Variants in COL26A1 observed in about 807,000 individuals in gnomAD.
The protein encoded by COL26A1 is collagen type XXVI alpha 1 chain.
COL26A1 carries 41 observed loss-of-function variants against 59.3 expected under a neutral mutation model. The ratio of observed to expected loss-of-function variants is 0.69; its 90% CI spans 0.54 to 0.90. The LOEUF (loss-of-function observed/expected upper bound fraction) is 0.90. COL26A1 is among the 40% of genes least tolerant of loss of function. COL26A1 has a pLI of 0.00. For missense variants in COL26A1, 612 were observed against 602.3 expected, an observed-to-expected ratio of 1.02 and a Z score of -0.17; for synonymous variants, 266 against 256.0, an observed-to-expected ratio of 1.04 and a Z score of -0.37.
At chr7:101,502,494 T>G (rs907700862) in intron 3 of COL26A1, among the ~76,000 whole-genome samples, 10 of 152,196 alleles carry the variant, frequency 6.6e-5, no homozygotes, top group African/African-American at 2.2e-4. Flanking sequence ...CAAGAAGGGA[T>G]TGGGCTTTCT....
At chr7:101,482,939 A>C (rs1465738591) in intron 3 of COL26A1, among the ~76,000 whole-genome samples, 2 of 152,176 alleles carry the variant, frequency 1.3e-5, no homozygotes, top group African/African-American at 4.8e-5. Flanking sequence ...CCTGGACGAC[A>C]AGTGAGACTC....
intron 1 of COL26A1, among the ~76,000 whole-genome samples, chr7:101,371,161 T>C (rs1178809112): frequency 6.6e-6 from 1 of 152,070 alleles, no homozygotes; most frequent in Non-Finnish European, 1.5e-5. Context: ...TGAGCCCACG[T>C]GTAGGTAGGG....
At chr7:101,424,569 G>T (rs1445302782) in intron 2 of COL26A1, among the ~76,000 whole-genome samples, 1 of 152,210 alleles carries the variant, frequency 6.6e-6, no homozygotes, top group Admixed American at 6.5e-5. Context: ...CTGTACTCCA[G>T]CCTGGGTGAC....
At chr7:101,477,732 C>T (rs1320225107) in intron 3 of COL26A1, among the ~76,000 whole-genome samples, 7 of 152,286 alleles carry the variant, frequency 4.6e-5, no homozygotes, top group East Asian at 3.9e-4. Flanking sequence ...CATCCTCTTT[C>T]TTTGAGACTT....
intron 2 of COL26A1, among the ~76,000 whole-genome samples, chr7:101,427,356 C>T (rs986173892): frequency 1.3e-5 from 2 of 152,086 alleles, no homozygotes; most frequent in African/African-American, 4.8e-5. Context: ...TGCCACCACA[C>T]CTGGTTAATT....
intron 9 of COL26A1, 38 bp from the exon 10 acceptor site, chr7:101,551,070 A>G: frequency 6.4e-7 from 1 of 1,551,406 alleles, no homozygotes; most frequent in Non-Finnish European, 8.7e-7. Flanking sequence ...CTTGGCCAGG[A>G]CCGGCAGGCC....
chr7:101,458,068 G>A (rs1793521000), intron 3 of COL26A1, among the ~76,000 whole-genome samples: 2 of 151,780 alleles, frequency 1.3e-5, no homozygotes, highest in Admixed American at 6.6e-5. Flanking sequence ...GGCAAATTTT[G>A]TATTTTTAGT....
Position 101,557,761 on chromosome 7 carries a change from G to A in COL26A1, c.*231G>A, listed in dbSNP as rs1015595368. The A allele has an allele frequency of 2.6e-5, 12 of 468,890 alleles. No homozygotes were observed. Among genetic ancestry groups the A allele is most frequent in the East Asian group, 1.9e-4 (6 of 31,164 alleles). 29.0% of individuals were successfully genotyped at this position (468,890 alleles called of 1,614,324 possible). On this transcript the variant is annotated 3_prime_UTR_variant, in exon 13 of 13. Transcript: ENST00000313669. ...TGTCCCCTCCCCTACCCCCACTCCC[G>A]GCTGGAGACGGGGTCTGGGTGGGCT...
chr7:101,502,342 A>AAACAACAACAACAACAAAC (rs976279735), intron 3 of COL26A1, among the ~76,000 whole-genome samples: 7 of 152,120 alleles, frequency 4.6e-5, no homozygotes, highest in African/African-American at 1.7e-4. Flanking sequence ...ACTCAGTCTC[A>AAACAACAACAACAACAAAC]AACAACAACA....
intron 3 of COL26A1, among the ~76,000 whole-genome samples, chr7:101,449,914 AG>A (rs747482102): frequency 6.6e-6 from 1 of 152,168 alleles, no homozygotes; most frequent in African/African-American, 2.4e-5. Context: ...ACTTGAGGTC[AG>A]GAGTTCGAGA....
chr7:101,378,560 C>G (rs995088320), intron 1 of COL26A1, among the ~76,000 whole-genome samples: 2 of 151,918 alleles, frequency 1.3e-5, no homozygotes, highest in African/African-American at 2.4e-5. Flanking sequence ...CAGTGTTTCC[C>G]TATGTCACCC....
chr7:101,543,849 G>T (rs1249258917), intron 5 of COL26A1, 149 bp from the exon 6 acceptor site: 1 of 570,714 alleles, frequency 1.8e-6, no homozygotes, highest in East Asian at 2.8e-5. Context: ...CAGCTCCAAG[G>T]TGATGTGAGT....
At chr7:101,422,549 G>A (rs116569268) in intron 2 of COL26A1, among the ~76,000 whole-genome samples, 2,591 of 152,206 alleles carry the variant, frequency 0.017, 66 homozygotes, top group African/African-American at 0.06. Flanking sequence ...CAGCTTCTGA[G>A]AAGAAAAGTC....
At chr7:101,387,772 A>ATTTTTTTTTTTTTTTTTT (rs1374717696) in intron 1 of COL26A1, among the ~76,000 whole-genome samples, 17 of 42,510 alleles carry the variant, frequency 4.0e-4, no homozygotes, top group Admixed American at 8.4e-4. Context: ...ATATATATAT[A>ATTTTTTTTTTTTTTTTTT]TATATATTTT....
chr7:101,429,694 G>C (rs778696742), intron 2 of COL26A1, among the ~76,000 whole-genome samples: 2 of 148,682 alleles, frequency 1.3e-5, no homozygotes, highest in Non-Finnish European at 3.0e-5. Flanking sequence ...TTGGGCTCAA[G>C]TGATCCTCCT....
intron 1 of COL26A1, among the ~76,000 whole-genome samples, chr7:101,363,650 G>T (rs1274175692): frequency 6.6e-6 from 1 of 151,620 alleles, no homozygotes; most frequent in Non-Finnish European, 1.5e-5. Context: ...TGAAGGTTCG[G>T]GTCCGGCTCC....
intron 9 of COL26A1, 107 bp downstream of exon 9, chr7:101,549,330 G>A: frequency 1.5e-6 from 1 of 687,922 alleles, no homozygotes. Flanking sequence ...AGTCACTCAG[G>A]AAGGAGCCAG....
At chr7:101,499,342 G>T (rs867642586) in intron 3 of COL26A1, among the ~76,000 whole-genome samples, 40 of 152,150 alleles carry the variant, frequency 2.6e-4, no homozygotes, top group Non-Finnish European at 5.4e-4. Context: ...GGGAGTTTGA[G>T]ACCAGCCTGG....
At chr7:101,389,021 C>T in intron 1 of COL26A1, 2 of 292,588 alleles carry the variant, frequency 6.8e-6, no homozygotes, top group Non-Finnish European at 1.3e-5. Flanking sequence ...GCTTTTTAGC[C>T]TTGAGGTGAC....
Sources: allele counts gnomAD v4.1 joint callset (sites outside exome capture counted in the v4.1 genomes callset), GRCh38; gene constraint gnomAD v4.1.1; transcripts MANE v1.5; gene names NCBI Gene and HGNC (gene_info 2026-07-23, HGNC 2026-07-21).